PPP4C: variants seen among roughly 807,000 people sequenced by gnomAD.
PPP4C encodes serine/threonine-protein phosphatase 4 catalytic subunit.
Under a neutral mutation model 40.5 loss-of-function variants are expected in PPP4C, and 10 were observed. The ratio of observed to expected loss-of-function variants is 0.25; its 90% confidence interval spans 0.15 to 0.42. The LOEUF (loss-of-function observed/expected upper bound fraction) is 0.42. Ranked by LOEUF, PPP4C falls within the 10% of genes least tolerant of loss-of-function variation. The pLI is 1.00. For missense variants in PPP4C, 191 were observed against 416.4 expected (o/e 0.46, Z 4.71); for synonymous variants, 187 against 163.6 (o/e 1.14, Z -1.09).
intron 3 of PPP4C, 51 bp from the exon 4 acceptor site, chr16:30,082,433 C>A (rs1343045509): frequency 1.3e-6 from 2 of 1,554,048 alleles, no homozygotes; most frequent in Non-Finnish European, 1.8e-6. Flanking sequence ...GAGGGTAGTC[C>A]CTGGCAACTC....
intron 4 of PPP4C, 39 bp downstream of exon 4, chr16:30,082,573 A>G: frequency 6.3e-7 from 1 of 1,598,244 alleles, no homozygotes; most frequent in South Asian, 1.1e-5. Context: ...TAACGGGGGG[A>G]TGACTGGAAG....
Position 30,083,617 on chromosome 16 carries a change from G to T in PPP4C, c.478-38G>T. On this transcript the variant is annotated intron_variant, in intron 6 of 8. Transcript: ENST00000279387. The surrounding 1 kb of genome is among the most constrained non-coding windows in gnomAD (Gnocchi z 6.3). ...GACAGGGAGAGGAGGGGGGCTTCAG[G>T]CCTCAGCCCCGTCCTCTTTCCCTGC... is the stretch of plus-strand genomic sequence containing the variant. The T allele has an allele frequency of 1.9e-6, 3 of 1,613,850 alleles. No individual in the cohort carries two copies. In the South Asian group the frequency reaches 3.3e-5, roughly 18 times the overall value.
intron 2 of PPP4C, among the ~76,000 whole-genome samples, chr16:30,080,637 G>A (rs1333577333): frequency 6.6e-6 from 1 of 151,592 alleles, no homozygotes; most frequent in Admixed American, 6.6e-5. Flanking sequence ...CTCCCAAGTA[G>A]CTGGGATTAC....
In PPP4C at chr16:30,085,098, C is replaced by A; in HGVS notation, c.*36C>A. The A allele has an allele frequency of 1.2e-6, 2 of 1,605,446 alleles. No homozygotes were observed. Among genetic ancestry groups the A allele is most frequent in the South Asian group, 2.2e-5 (2 of 90,316 alleles). On this transcript the variant is annotated 3_prime_UTR_variant, in exon 9 of 9. Transcript: ENST00000279387. ...CCCCTGCCCCCTCCAACCCTTCTGG[C>A]CCTCGCACCACTGTGACTCTGCCAT...
chr16:30,078,522 CT>C (rs949404591), intron 2 of PPP4C, among the ~76,000 whole-genome samples: 231 of 152,298 alleles, frequency 1.5e-3, no homozygotes, highest in African/African-American at 5.4e-3. Flanking sequence ...GAGTTGGCCG[CT>C]GTTGTCCCAG....
chr16:30,081,526 C>T (rs980556800), intron 3 of PPP4C: 1 of 451,246 alleles, frequency 2.2e-6, no homozygotes, highest in African/African-American at 2.0e-5. Flanking sequence ...GGGCACATCA[C>T]TTGAGGTTAG....
chr16:30,080,206 G>T (rs1263189492), intron 2 of PPP4C, among the ~76,000 whole-genome samples: 1 of 151,690 alleles, frequency 6.6e-6, no homozygotes, highest in South Asian at 2.1e-4. Context: ...TTAGCTGGGC[G>T]TGGTGGTACA....
At chr16:30,076,221 G>A (rs1448257917) in intron 1 of PPP4C, 94 bp from the exon 2 acceptor site, 3 of 719,722 alleles carry the variant, frequency 4.2e-6, no homozygotes, top group Non-Finnish European at 4.5e-6. Flanking sequence ...GAGGGGAGGC[G>A]GGGGTGGGGG....
Position 30,083,152 on chromosome 16 carries a change from T to A in PPP4C, c.304-242T>A, listed in dbSNP as rs1484371059. On this transcript the variant is annotated intron_variant, in intron 5 of 8. Coordinates refer to ENST00000279387, the MANE Select transcript of PPP4C (RefSeq NM_002720.3). This position sits in a 1 kb window ranked among gnomAD's most constrained non-coding sequence, Gnocchi z 6.3. ...GGTGCCTTGCTAGGGACCCGGTCTG[T>A]GTCTGGTAGGTGAAAGAAGAGCCAT... 1 of 600,634 alleles carries A rather than the reference T, an allele frequency of 1.7e-6. No homozygotes were observed. The highest frequency in any genetic ancestry group is 1.9e-5 in the African/African-American group (1 of 53,808). The allele number at this position is 600,634 out of a possible 1,614,324, so 37.2% of individuals were successfully genotyped here.
rs551563043 is a variant in PPP4C at position 30,085,146 on chromosome 16, G to A, written c.*84G>A. 3.2e-5 allele frequency: 47 copies of A among 1,459,566 alleles called. No homozygotes were observed. The highest frequency in any genetic ancestry group is 3.9e-5 in the Non-Finnish European group (42 of 1,080,318). 90.4% of individuals were successfully genotyped at this position (1,459,566 alleles called of 1,614,324 possible). On this transcript the variant is annotated 3_prime_UTR_variant, in exon 9 of 9. Coordinates refer to ENST00000279387, the MANE Select transcript of PPP4C (RefSeq NM_002720.3). Reference sequence around the variant, plus strand: ...CATCTTCCTCAGACGGAGGCTGGGCGTGGGGGGGGCTGTCCTGGCTCTGCT... The same window carrying A: ...CATCTTCCTCAGACGGAGGCTGGGCATGGGGGGGGCTGTCCTGGCTCTGCT...
chr16:30,083,883 A>G lies in PPP4C; in HGVS notation c.604+102A>G. 1.3e-6 allele frequency: 2 copies of G among 1,529,266 alleles called. No homozygotes were observed. The highest frequency in any genetic ancestry group is 2.3e-5 in the East Asian group (1 of 44,076). 94.7% of individuals were successfully genotyped at this position (1,529,266 alleles called of 1,614,324 possible). On this transcript the variant is annotated intron_variant, in intron 7 of 8. Transcript: ENST00000279387. The surrounding 1 kb of genome is among the most constrained non-coding windows in gnomAD (Gnocchi z 6.3). Reference sequence around the variant, plus strand: ...CTGTCACTCGTCCTCCACCTGCCAAATGGCTGGAACCCTGGAGGAGGAGCA... The same window carrying G: ...CTGTCACTCGTCCTCCACCTGCCAAGTGGCTGGAACCCTGGAGGAGGAGCA...
chr16:30,081,378 TGGG>T (rs1469609211), intron 3 of PPP4C, 68 bp downstream of exon 3: 1 of 1,361,592 alleles, frequency 7.3e-7, no homozygotes, highest in South Asian at 1.2e-5. Context: ...CTCTTCATCT[TGGG>T]GGCTCTATAA....
rs779267516 is a variant in PPP4C at position 30,082,817 on chromosome 16, C to T, written c.273C>T (p.Val91=). 48 of 1,614,004 alleles carry T rather than the reference C, an allele frequency of 3.0e-5. No individual in the cohort carries two copies. Among genetic ancestry groups the T allele is most frequent in the Non-Finnish European group, 4.0e-5 (47 of 1,180,022 alleles). The change falls in exon 5 of 9, where the codon GTC becomes GTT. Residue 91 remains valine (V), a synonymous_variant. Coordinates refer to ENST00000279387, the MANE Select transcript of PPP4C (RefSeq NM_002720.3). ...TTGTGGACCGTGGCTTCTATAGCGTCGAAACGTTCCTCCTGCTGCTGGCAC... is the reference window on the plus strand; with the variant it reads ...TTGTGGACCGTGGCTTCTATAGCGTTGAAACGTTCCTCCTGCTGCTGGCAC... ...GDFVDRGFYS[V]ETFLLLLALK... is the part of the protein sequence containing the mutation.
intron 2 of PPP4C, among the ~76,000 whole-genome samples, chr16:30,078,596 A>T (rs2072447483): frequency 6.6e-6 from 1 of 152,152 alleles, no homozygotes; most frequent in Non-Finnish European, 1.5e-5. Context: ...CCCATCAGAG[A>T]CCCAGGCTGA....
rs367794955 is a variant in PPP4C at position 30,085,100 on chromosome 16, C to T, written c.*38C>T. Reference sequence around the variant, plus strand: ...CCTGCCCCCTCCAACCCTTCTGGCCCTCGCACCACTGTGACTCTGCCATCT... The same window carrying T: ...CCTGCCCCCTCCAACCCTTCTGGCCTTCGCACCACTGTGACTCTGCCATCT... On this transcript the variant is annotated 3_prime_UTR_variant, in exon 9 of 9. Transcript: ENST00000279387. 3 of 1,604,492 alleles carry T rather than the reference C, an allele frequency of 1.9e-6. No individual in the cohort carries two copies. The highest frequency in any genetic ancestry group is 1.3e-5 in the African/African-American group (1 of 74,740).
chr16:30,083,771 T>A lies in PPP4C; in HGVS notation c.594T>A (p.Ser198=). The part of the protein sequence containing the change: ...HDGPMCDLLW[S]DPEDTTGWGV... ...GGCCCATGTGTGACCTCCTCTGGTCTGACCCAGAAGGTGAGGGCATGTGGG... is the reference window on the plus strand; with the variant it reads ...GGCCCATGTGTGACCTCCTCTGGTCAGACCCAGAAGGTGAGGGCATGTGGG... Residue 198 remains serine (S), a synonymous_variant, in exon 7 of 9, where the codon TCT becomes TCA. Transcript: ENST00000279387. This position sits in a 1 kb window ranked among gnomAD's most constrained non-coding sequence, Gnocchi z 6.3. 1 of 1,614,054 alleles carries A rather than the reference T, an allele frequency of 6.2e-7. No homozygotes were observed. Among genetic ancestry groups the A allele is most frequent in the South Asian group, 1.1e-5 (1 of 91,090 alleles).
At position 30,082,690 on chromosome 16, in the gene PPP4C, C is replaced by T. The variant is rs150227326; in HGVS notation, c.202-56C>T. 3.4e-4 allele frequency: 523 copies of T among 1,559,550 alleles called. 3 individuals carry two copies. Among genetic ancestry groups the T allele is most frequent in the Middle Eastern group, 2.9e-3 (17 of 5,904 alleles). ...AAGAAGGGCCTCCGCTGGACAGAAA[C>T]AGGTAGGGGGTAGGGGACTGTTTAC... On this transcript the variant is annotated intron_variant, in intron 4 of 8. Transcript: ENST00000279387.
chr16:30,085,089 C>T lies in PPP4C; in HGVS notation c.*27C>T, dbSNP rs1319856862. 6.2e-7 allele frequency: 1 copy of T among 1,608,602 alleles called. No homozygotes were observed. Among genetic ancestry groups the T allele is most frequent in the Admixed American group, 1.7e-5 (1 of 59,882 alleles). Reference sequence around the variant, plus strand: ...CCCGCCCGGCCCCTGCCCCCTCCAACCCTTCTGGCCCTCGCACCACTGTGA... The same window carrying T: ...CCCGCCCGGCCCCTGCCCCCTCCAATCCTTCTGGCCCTCGCACCACTGTGA... On this transcript the variant is annotated 3_prime_UTR_variant, in exon 9 of 9. Transcript: ENST00000279387.
Position 30,084,993 on chromosome 16 carries a change from C to T in PPP4C, c.855C>T (p.Ile285=), listed in dbSNP as rs756298071. 1 of 1,614,228 alleles carries T rather than the reference C, an allele frequency of 6.2e-7. No homozygotes were observed. The highest frequency in any genetic ancestry group is 8.5e-7 in the Non-Finnish European group (1 of 1,180,034). The change falls in exon 9 of 9, where the codon ATC becomes ATT. Residue 285 remains isoleucine, a synonymous_variant. Coordinates refer to ENST00000279387, the MANE Select transcript of PPP4C (RefSeq NM_002720.3). ...LDEHLQKDFI[I]FEAAPQETRG... The stretch of plus-strand genomic sequence containing the variant: ...AGCATCTCCAGAAAGATTTCATCAT[C>T]TTTGAGGCTGCTCCCCAAGAGACAC...
Sources: allele counts gnomAD v4.1 joint callset (sites outside exome capture counted in the v4.1 genomes callset), GRCh38; gene constraint gnomAD v4.1.1; non-coding constraint Gnocchi (gnomAD v3.1); transcripts MANE v1.5; gene names NCBI Gene and HGNC (gene_info 2026-07-23, HGNC 2026-07-21).